The following DLG2 variants were observed in gnomAD, a reference collection of about 807,000 sequenced individuals.
DLG2 encodes discs large MAGUK scaffold protein 2.
In DLG2, 45 loss-of-function variants were observed where a neutral mutation model predicts 132.5. The ratio of observed to expected loss-of-function variants is 0.34; its 90% CI spans 0.27 to 0.44. The LOEUF is 0.44. DLG2 is among the 20% of genes least tolerant of loss of function. DLG2 has a pLI of 1.00. For missense variants in DLG2, 1,045 were observed against 1,196.9 expected (o/e 0.87, Z 1.87); for synonymous variants, 424 against 419.6 (o/e 1.01, Z -0.13).
intron 17 of DLG2, among the ~76,000 whole-genome samples, chr11:83,803,807 C>T (rs1594677393): frequency 6.6e-6 from 1 of 152,048 alleles, no homozygotes; most frequent in South Asian, 2.1e-4. Context: ...ACATATCTGT[C>T]AAACAGTCCA....
intron 21 of DLG2, among the ~76,000 whole-genome samples, chr11:83,488,260 T>C (rs1270181025): frequency 6.6e-6 from 1 of 152,004 alleles, no homozygotes; most frequent in African/African-American, 2.4e-5. Context: ...ACATGTCTTT[T>C]GTTTATCTGA....
rs372509188 is a variant in DLG2, at chr11:83,480,104, G to A, written c.2293+4025C>T. 1.1e-4 allele frequency among the ~76,000 whole-genome samples: 16 copies of A among 152,120 alleles called. No homozygotes were observed. The East Asian group carries it at 1.2e-3, about 11-fold the overall frequency. On this transcript the variant is annotated intron_variant, in intron 22 of 27. Transcript: ENST00000376104. The stretch of plus-strand genomic sequence containing the variant: ...AACTTTTTACACACCTTCTCTGTGA[G>A]AATTGAATCACTGAGTCACAACCAA...
rs186047649 is a variant in DLG2 at position 85,464,398 on chromosome 11, G to A, written c.40+134259C>T. ...TATGGTTTTTACGGACAACTTGGTG[G>A]GCATGGGGCAAGGGAAGGGGTGCTC... On this transcript the variant is annotated intron_variant, in intron 3 of 27. Coordinates refer to ENST00000376104, the MANE Select transcript of DLG2 (RefSeq NM_001142699.3). 6.6e-5 allele frequency among the ~76,000 whole-genome samples: 10 copies of A among 152,186 alleles called. No homozygotes were observed. The East Asian group carries it at 1.4e-3, about 21-fold the overall frequency.
At position 84,226,862 on chromosome 11, in the gene DLG2, C is replaced by T. The variant is rs561425788; in HGVS notation, c.573+24376G>A. 2.5e-4 allele frequency among the ~76,000 whole-genome samples: 38 copies of T among 151,944 alleles called. 1 individual carries two copies. The highest frequency in any genetic ancestry group is 6.5e-4 in the African/African-American group (27 of 41,434). ...TAGCACTTTGGGAGGCCAAGGCAGG[C>T]GGCACATGAGGTCAGGAGATCGAGA... On this transcript the variant is annotated intron_variant, in intron 8 of 27. Transcript: ENST00000376104.
At chr11:83,566,147 A>C (rs927178713) in intron 19 of DLG2, among the ~76,000 whole-genome samples, 2 of 152,168 alleles carry the variant, frequency 1.3e-5, no homozygotes, top group African/African-American at 4.8e-5. Context: ...CTTAAAATTC[A>C]CCTTTTAGTC....
intron 18 of DLG2, among the ~76,000 whole-genome samples, chr11:83,674,192 A>T (rs2077305533): frequency 6.6e-6 from 1 of 152,148 alleles, no homozygotes; most frequent in African/African-American, 2.4e-5. Context: ...TAGGGAAGGG[A>T]TTCAGGGGTT....
At chr11:83,472,190 T>G (rs770264563) in intron 23 of DLG2, among the ~76,000 whole-genome samples, 1 of 152,136 alleles carries the variant, frequency 6.6e-6, no homozygotes, top group Non-Finnish European at 1.5e-5. Flanking sequence ...TGCTACAGTT[T>G]CTAGATTTCC....
intron 3 of DLG2, among the ~76,000 whole-genome samples, chr11:85,320,824 G>C (rs1450378192): frequency 6.6e-6 from 1 of 151,772 alleles, no homozygotes; most frequent in East Asian, 1.9e-4. Flanking sequence ...CACAGAGACT[G>C]GAGCAGAGTG....
At chr11:84,832,329 C>A (rs555480458) in intron 6 of DLG2, among the ~76,000 whole-genome samples, 1 of 151,578 alleles carries the variant, frequency 6.6e-6, no homozygotes, top group Non-Finnish European at 1.5e-5. Context: ...AGCAACAAAC[C>A]CTTTTGGTCT....
chr11:83,935,929 A>G (rs182729920), intron 14 of DLG2, among the ~76,000 whole-genome samples: 150 of 152,290 alleles, frequency 9.8e-4, no homozygotes, highest in African/African-American at 3.6e-3. Flanking sequence ...ATATCAGCCT[A>G]AAGATGATTG....
intron 6 of DLG2, among the ~76,000 whole-genome samples, chr11:84,977,164 T>C (rs778811666): frequency 1.3e-5 from 2 of 152,162 alleles, no homozygotes; most frequent in Non-Finnish European, 2.9e-5. Flanking sequence ...AGTCTGCCTA[T>C]TGACACATGG....
chr11:84,190,345 A>T (rs1414670522), intron 8 of DLG2, among the ~76,000 whole-genome samples: 1 of 152,166 alleles, frequency 6.6e-6, no homozygotes, highest in Non-Finnish European at 1.5e-5. Flanking sequence ...ACAAAGTTTA[A>T]ATTTTGTATT....
intron 11 of DLG2, among the ~76,000 whole-genome samples, chr11:84,058,426 C>T (rs1000989297): frequency 2.6e-5 from 4 of 151,088 alleles, no homozygotes; most frequent in African/African-American, 9.7e-5. Flanking sequence ...GAGGCCAAAG[C>T]AGGAGGATTA....
intron 9 of DLG2, among the ~76,000 whole-genome samples, chr11:84,128,082 C>T (rs1299182393): frequency 1.3e-5 from 2 of 152,042 alleles, no homozygotes; most frequent in African/African-American, 2.4e-5. Context: ...ATTGTTATAT[C>T]CCAGGGCATA....
intron 4 of DLG2, among the ~76,000 whole-genome samples, chr11:85,233,664 G>T (rs1047915367): frequency 3.3e-5 from 5 of 150,770 alleles, no homozygotes; most frequent in African/African-American, 4.9e-5. Context: ...GCCAAACTCT[G>T]CTGTGCCTCT....
chr11:84,158,773 A>G (rs1173860592), intron 9 of DLG2, among the ~76,000 whole-genome samples: 1 of 151,874 alleles, frequency 6.6e-6, no homozygotes, highest in Non-Finnish European at 1.5e-5. Flanking sequence ...AAACAAAAGA[A>G]GTTCTTGTTA....
chr11:84,652,411 T>G (rs1451512779), intron 6 of DLG2, among the ~76,000 whole-genome samples: 1 of 152,182 alleles, frequency 6.6e-6, no homozygotes, highest in South Asian at 2.1e-4. Context: ...CGCACACCCT[T>G]CTGTCTTGAG....
intron 6 of DLG2, among the ~76,000 whole-genome samples, chr11:84,911,313 G>C (rs890970637): frequency 6.6e-6 from 1 of 151,812 alleles, no homozygotes; most frequent in Admixed American, 6.6e-5. Context: ...ATTCATAATT[G>C]TACTGTTTTA....
intron 6 of DLG2, among the ~76,000 whole-genome samples, chr11:84,896,410 T>C (rs1435918516): frequency 2.0e-5 from 3 of 152,054 alleles, no homozygotes; most frequent in Admixed American, 2.0e-4. Context: ...CCCACGATGT[T>C]GTTGATATAC....
Sources: allele counts gnomAD v4.1 joint callset (sites outside exome capture counted in the v4.1 genomes callset), GRCh38; gene constraint gnomAD v4.1.1; transcripts MANE v1.5; gene names NCBI Gene and HGNC (gene_info 2026-07-23, HGNC 2026-07-21).